Variants in NAALADL2 observed in about 807,000 individuals in gnomAD.
NAALADL2 encodes inactive N-acetylated-alpha-linked acidic dipeptidase-like protein 2.
NAALADL2 carries 76 observed loss-of-function variants against 87.2 expected under a neutral mutation model. The ratio of observed to expected loss-of-function variants is 0.87; its 90% CI spans 0.72 to 1.05. The LOEUF is 1.05. Ranked by LOEUF, NAALADL2 falls within the 50% of genes least tolerant of loss-of-function variation. The pLI, the probability that NAALADL2 is intolerant of heterozygous loss-of-function variation, is 0.00. For missense variants in NAALADL2, 1,089 were observed against 945.8 expected, an observed-to-expected ratio of 1.15 and a Z score of -1.99; for synonymous variants, 354 against 331.0, an observed-to-expected ratio of 1.07 and a Z score of -0.75.
chr3:174,795,147 A>G (rs2109221294), intron 3 of NAALADL2, among the ~76,000 whole-genome samples: 1 of 149,342 alleles, frequency 6.7e-6, no homozygotes, highest in Non-Finnish European at 1.5e-5. Context: ...ATGCACCACC[A>G]TGCCTGGCTA....
chr3:175,432,995 CAT>C (rs532253132), intron 5 of NAALADL2, among the ~76,000 whole-genome samples: 117 of 152,172 alleles, frequency 7.7e-4, no homozygotes, highest in Middle Eastern at 3.4e-3. Context: ...GTTCATTTCA[CAT>C]TTCCTGGTCC....
At chr3:174,965,804 G>T (rs1405443052) in intron 1 of NAALADL2, among the ~76,000 whole-genome samples, 2 of 152,142 alleles carry the variant, frequency 1.3e-5, no homozygotes, top group African/African-American at 4.8e-5. Context: ...AAAATTTTAC[G>T]GAGGGAAGTT....
At chr3:175,305,981 T>C (rs1757675695) in intron 4 of NAALADL2, among the ~76,000 whole-genome samples, 1 of 152,124 alleles carries the variant, frequency 6.6e-6, no homozygotes, top group East Asian at 1.9e-4. Context: ...ATTTTTTTGA[T>C]AAAAAACATA....
At chr3:175,501,035 C>G (rs542216909) in intron 9 of NAALADL2, among the ~76,000 whole-genome samples, 1 of 152,144 alleles carries the variant, frequency 6.6e-6, no homozygotes, top group Non-Finnish European at 1.5e-5. Flanking sequence ...CTGCTTTACT[C>G]TAGATGACAG....
At chr3:174,871,885 C>A (rs907050625) in intron 1 of NAALADL2, among the ~76,000 whole-genome samples, 12 of 151,432 alleles carry the variant, frequency 7.9e-5, no homozygotes, top group African/African-American at 2.9e-4. Flanking sequence ...GGTGACAGAA[C>A]CAGACTCTGT....
chr3:175,765,764 C>T (rs1167698882), intron 13 of NAALADL2, among the ~76,000 whole-genome samples: 4 of 151,990 alleles, frequency 2.6e-5, no homozygotes, highest in Admixed American at 2.0e-4. Flanking sequence ...CAATACTTTC[C>T]ATAGAGGATG....
chr3:175,689,260 A>C (rs1348799837), intron 11 of NAALADL2, among the ~76,000 whole-genome samples: 1 of 152,168 alleles, frequency 6.6e-6, no homozygotes, highest in African/African-American at 2.4e-5. Context: ...AAGATAGAAA[A>C]TATCTTCTCA....
At chr3:174,595,528 G>A (rs1717804526) in intron 2 of NAALADL2, among the ~76,000 whole-genome samples, 1 of 152,118 alleles carries the variant, frequency 6.6e-6, no homozygotes, top group South Asian at 2.1e-4. Context: ...GAAATTAGTG[G>A]TTTACACTTT....
At chr3:175,777,880 T>G (rs1036297099) in intron 13 of NAALADL2, among the ~76,000 whole-genome samples, 5 of 152,118 alleles carry the variant, frequency 3.3e-5, no homozygotes, top group African/African-American at 1.2e-4. Context: ...TTCTCAATAA[T>G]TTACCGTGAT....
At chr3:174,901,783 G>T (rs1169129502) in intron 1 of NAALADL2, among the ~76,000 whole-genome samples, 1 of 152,128 alleles carries the variant, frequency 6.6e-6, no homozygotes, top group East Asian at 1.9e-4. Flanking sequence ...GCTGGAATGG[G>T]CCAATGATCA....
chr3:175,315,783 T>G (rs1054628935), intron 4 of NAALADL2, among the ~76,000 whole-genome samples: 1 of 152,196 alleles, frequency 6.6e-6, no homozygotes, highest in African/African-American at 2.4e-5. Flanking sequence ...GTTTTCTTTA[T>G]ATTGTGGCTA....
At chr3:175,497,537 T>C (rs75842196) in intron 9 of NAALADL2, among the ~76,000 whole-genome samples, 4,810 of 152,246 alleles carry the variant, frequency 0.032, 273 homozygotes, top group African/African-American at 0.11. Flanking sequence ...ATTGTAAATG[T>C]CTAAGGAGTA....
chr3:175,110,856 T>A (rs1724071117), intron 2 of NAALADL2, among the ~76,000 whole-genome samples: 1 of 151,682 alleles, frequency 6.6e-6, no homozygotes, highest in African/African-American at 2.4e-5. Context: ...TGGGTAACAA[T>A]TTGGGGTCAA....
intron 1 of NAALADL2, among the ~76,000 whole-genome samples, chr3:174,911,307 A>T (rs577792888): frequency 6.6e-6 from 1 of 152,278 alleles, no homozygotes; most frequent in South Asian, 2.1e-4. Context: ...AGGACAGTCA[A>T]TCAAATATAT....
intron 1 of NAALADL2, among the ~76,000 whole-genome samples, chr3:174,884,178 G>A: frequency 6.6e-6 from 1 of 152,258 alleles, no homozygotes; most frequent in Non-Finnish European, 1.5e-5. Context: ...AAGCAGAAAT[G>A]TTAGTGGATC....
chr3:175,171,601 C>A (rs573212712), intron 2 of NAALADL2, among the ~76,000 whole-genome samples: 1 of 152,060 alleles, frequency 6.6e-6, no homozygotes, highest in East Asian at 1.9e-4. Context: ...CTCTGTCTAG[C>A]TACTGTGTTG....
intron 1 of NAALADL2, among the ~76,000 whole-genome samples, chr3:175,018,648 G>T (rs1751167431): frequency 6.6e-6 from 1 of 151,998 alleles, no homozygotes; most frequent in African/African-American, 2.4e-5. Flanking sequence ...ATGAGCTGGG[G>T]TATATTTACA....
chr3:174,479,328 T>G (rs2108326263), intron 1 of NAALADL2, among the ~76,000 whole-genome samples: 1 of 152,292 alleles, frequency 6.6e-6, no homozygotes, highest in East Asian at 1.9e-4. Flanking sequence ...AGTCAAGTAA[T>G]ATGCTAAGTA....
At chr3:174,828,116 A>G (rs1394361470) in intron 3 of NAALADL2, among the ~76,000 whole-genome samples, 1 of 152,024 alleles carries the variant, frequency 6.6e-6, no homozygotes, top group African/African-American at 2.4e-5. Flanking sequence ...CCAGGAATGG[A>G]CTGCTCTCCA....
Sources: allele counts gnomAD v4.1 joint callset (sites outside exome capture counted in the v4.1 genomes callset), GRCh38; gene constraint gnomAD v4.1.1; transcripts MANE v1.5; gene names NCBI Gene and HGNC (gene_info 2026-07-23, HGNC 2026-07-21).